STT3A: variants seen among roughly 807,000 people sequenced by gnomAD.
The protein encoded by STT3A is STT3 oligosaccharyltransferase complex catalytic subunit A.
Under a neutral mutation model 89.2 loss-of-function variants are expected in STT3A, and 34 were observed. The observed-to-expected ratio is 0.38, with a 90% CI of 0.29 to 0.51. STT3A has a LOEUF of 0.51. Among genes scored for constraint, STT3A ranks in the 20% least tolerant of loss-of-function variants. STT3A has a pLI of 0.89. For missense variants in STT3A, 555 were observed against 889.5 expected, an observed-to-expected ratio of 0.62 and a Z score of 4.78; for synonymous variants, 282 against 310.3, an observed-to-expected ratio of 0.91 and a Z score of 0.96.
chr11:125,600,459 T>A (rs1041702961), intron 3 of STT3A, among the ~76,000 whole-genome samples: 2 of 152,122 alleles, frequency 1.3e-5, no homozygotes, highest in Non-Finnish European at 2.9e-5. Context: ...CTCCCTGGGC[T>A]CAGGTGATCC....
rs1016261239 is a variant in STT3A at position 125,618,355 on chromosome 11, T to C, written c.1775-18T>C. 9.1e-6 allele frequency: 14 copies of C among 1,535,242 alleles called. No homozygotes were observed. The highest frequency in any genetic ancestry group is 1.4e-5 in the African/African-American group (1 of 71,398). On this transcript the variant is annotated intron_variant, in intron 15 of 17. Transcript: ENST00000392708. ...CAACTTTTGTGATGCAGCAGTTCTT[T>C]TTTTTTTTTTCTCCTAGATATCAAC... is the stretch of plus-strand genomic sequence containing the variant.
chr11:125,618,440 G>A lies in STT3A; in HGVS notation c.1842G>A (p.Glu614=), dbSNP rs747869884. The change falls in exon 16 of 18, where the codon GAG becomes GAA. Residue 614 remains glutamate, a synonymous_variant. Coordinates refer to ENST00000392708, the MANE Select transcript of STT3A (RefSeq NM_152713.5). ...CAGATACAGGCAAACATATCAAGGA[G>A]AATGACTATTATACTCCAACTGGGG... is the stretch of plus-strand genomic sequence containing the variant. The part of the protein sequence containing the change: ...GSTDTGKHIK[E]NDYYTPTGEF... 1.2e-5 allele frequency: 19 copies of A among 1,613,642 alleles called. No homozygotes were observed. The East Asian group carries it at 3.6e-4, about 30-fold the overall frequency.
chr11:125,596,990 T>G, intron 2 of STT3A, 69 bp from the exon 3 acceptor site: 1 of 1,524,752 alleles, frequency 6.6e-7, no homozygotes. Flanking sequence ...CTGTCTTCAT[T>G]ATAATACTAT....
rs1591376838 is a variant in STT3A, at chr11:125,609,604, G to A, written c.1117+15G>A. Reference sequence around the variant, plus strand: ...CATGTTTCCAGGTATGTGGCCTCGTGTTCTGAAATGGCCTTGTTCATAAGA... The same window carrying A: ...CATGTTTCCAGGTATGTGGCCTCGTATTCTGAAATGGCCTTGTTCATAAGA... On this transcript the variant is annotated intron_variant, in intron 10 of 17. Coordinates refer to ENST00000392708, the MANE Select transcript of STT3A (RefSeq NM_152713.5). The A allele has an allele frequency of 6.3e-6, 10 of 1,598,970 alleles. No individual in the cohort carries two copies. In the East Asian group the frequency reaches 2.2e-4, roughly 36 times the overall value.
chr11:125,618,463 G>C lies in STT3A; in HGVS notation c.1865G>C (p.Gly622Ala). 1.2e-6 allele frequency: 2 copies of C among 1,613,946 alleles called. No homozygotes were observed. The highest frequency in any genetic ancestry group is 1.7e-6 in the Non-Finnish European group (2 of 1,179,978). The change falls in exon 16 of 18, where the codon GGG becomes GCG. Residue 622 changes from glycine (G) to alanine (A), a missense_variant. By Grantham distance (60) the Gly-to-Ala change is moderately conservative. Transcript: ENST00000392708. ...IKENDYYTPT[G>A]EFRVDREGSP... ...GAGAATGACTATTATACTCCAACTG[G>C]GGAGTTCCGTGTGGACCGTGAAGGT...
chr11:125,596,674 G>T (rs984114171), intron 2 of STT3A, among the ~76,000 whole-genome samples: 2 of 152,166 alleles, frequency 1.3e-5, no homozygotes, highest in Non-Finnish European at 2.9e-5. Context: ...CTCTTCATGA[G>T]TCCTAGGTGT....
Position 125,600,774 on chromosome 11 carries a change from A to G in STT3A, c.150-1529A>G, listed in dbSNP as rs946053717. 4.6e-5 allele frequency among the ~76,000 whole-genome samples: 7 copies of G among 152,046 alleles called. No homozygotes were observed. In the East Asian group the frequency reaches 5.8e-4, roughly 13 times the overall value. ...ATGTCAAATATTTTTCATGTTGTCT[A>G]TGTATCTGTGTATCTTTCTATATTT... On this transcript the variant is annotated intron_variant, in intron 3 of 17. Coordinates refer to ENST00000392708, the MANE Select transcript of STT3A (RefSeq NM_152713.5).
rs569634802 is a variant in STT3A, at chr11:125,620,870, A to ATTTTTTTTTTTTTTTT, written c.*66_*81dup. 1 of 832,140 alleles carries ATTTTTTTTTTTTTTTT rather than the reference A, an allele frequency of 1.2e-6. No homozygotes were observed. The allele number at this position is 832,140 out of a possible 1,614,324, so 51.5% of individuals were successfully genotyped here. ...GCACATCACATTTAGGACGTTGAAG[A>ATTTTTTTTTTTTTTTT]TTTTTTTTTTTTTTTTTTTTTAATA... On this transcript the variant is annotated 3_prime_UTR_variant, in exon 18 of 18. Transcript: ENST00000392708.
Position 125,614,546 on chromosome 11 carries a change from T to A in STT3A, c.1774+120T>A, listed in dbSNP as rs1242522967. ...TAAGATATTTTTCTTTCATGGGAAG[T>A]TCCTAAGTATTTGCAACTTGAGGTT... On this transcript the variant is annotated intron_variant, in intron 15 of 17. Coordinates refer to ENST00000392708, the MANE Select transcript of STT3A (RefSeq NM_152713.5). The surrounding 1 kb of genome is among the most constrained non-coding windows in gnomAD (Gnocchi z 4.9). The A allele has an allele frequency of 1.0e-6, 1 of 1,004,428 alleles. No homozygotes were observed. The highest frequency in any genetic ancestry group is 1.6e-5 in the African/African-American group (1 of 60,952). 62.2% of individuals were successfully genotyped at this position (1,004,428 alleles called of 1,614,324 possible).
chr11:125,615,300 TAAA>T (rs1305718850), intron 15 of STT3A, among the ~76,000 whole-genome samples: 1 of 152,080 alleles, frequency 6.6e-6, no homozygotes, highest in Non-Finnish European at 1.5e-5. Flanking sequence ...AGGTTTATAA[TAAA>T]AAGTGATAGT....
In STT3A at chr11:125,617,777, C is replaced by G. The variant is rs564534623; in HGVS notation, c.1775-596C>G. On this transcript the variant is annotated intron_variant, in intron 15 of 17. Coordinates refer to ENST00000392708, the MANE Select transcript of STT3A (RefSeq NM_152713.5). ...TACTACTCTTTAGATCAGTCGTGCC[C>G]ACTGTCTAATAGAAATAATGGGAAC... 2.6e-5 allele frequency among the ~76,000 whole-genome samples: 4 copies of G among 152,280 alleles called. No individual in the cohort carries two copies. In the East Asian group the frequency reaches 7.7e-4, roughly 29 times the overall value.
At chr11:125,600,007 G>A (rs1329927465) in intron 3 of STT3A, among the ~76,000 whole-genome samples, 1 of 151,636 alleles carries the variant, frequency 6.6e-6, no homozygotes, top group Non-Finnish European at 1.5e-5. Context: ...GGGATAACAG[G>A]CATTAACTAC....
At chr11:125,604,605 G>T (rs12282800) in intron 6 of STT3A, among the ~76,000 whole-genome samples, 16,117 of 152,124 alleles carry the variant, frequency 0.11, 1,243 homozygotes, top group African/African-American at 0.22. Flanking sequence ...GAATGTTATT[G>T]GGAAAACATA....
rs540137895 is a variant in STT3A at position 125,598,847 on chromosome 11, A to G, written c.149+1728A>G. On this transcript the variant is annotated intron_variant, in intron 3 of 17. Transcript: ENST00000392708. ...GGTCTCAAACTCCTGGGCTCAAGCA[A>G]TCCTCCCTCCTCAGCCTCCCAAAGT... Among the ~76,000 whole-genome samples the G allele has an allele frequency of 2.4e-3, 366 of 152,158 alleles. 2 individuals carry two copies. Among genetic ancestry groups the G allele is most frequent in the Admixed American group, 6.1e-3 (93 of 15,276 alleles).
At chr11:125,607,814 G>A (rs1939882750) in intron 8 of STT3A, among the ~76,000 whole-genome samples, 1 of 152,238 alleles carries the variant, frequency 6.6e-6, no homozygotes, top group Non-Finnish European at 1.5e-5. Context: ...CTTGAATGAT[G>A]AGAATTTTAG....
chr11:125,606,024 G>A (rs1004294767), intron 7 of STT3A, among the ~76,000 whole-genome samples: 32 of 152,024 alleles, frequency 2.1e-4, no homozygotes, highest in African/African-American at 7.7e-4. Context: ...CAACCACAAG[G>A]GAGCAGGGGA....
At position 125,620,861 on chromosome 11, in the gene STT3A, A is replaced by T. The variant is rs1591383411; in HGVS notation, c.*51A>T. ...TCGCACTGAGCACATCACATTTAGG[A>T]CGTTGAAGATTTTTTTTTTTTTTTT... On this transcript the variant is annotated 3_prime_UTR_variant, in exon 18 of 18. Coordinates refer to ENST00000392708, the MANE Select transcript of STT3A (RefSeq NM_152713.5). 1 of 1,322,472 alleles carries T rather than the reference A, an allele frequency of 7.6e-7. No homozygotes were observed. The highest frequency in any genetic ancestry group is 1.0e-6 in the Non-Finnish European group (1 of 960,784). The allele number at this position is 1,322,472 out of a possible 1,614,324, so 81.9% of individuals were successfully genotyped here. A position where few individuals can be genotyped will look rare whatever the true frequency, so the allele number is the denominator to read the frequency against.
chr11:125,618,274 C>T, intron 15 of STT3A, 99 bp from the exon 16 acceptor site: 1 of 1,094,840 alleles, frequency 9.1e-7, no homozygotes, highest in Non-Finnish European at 1.3e-6. Flanking sequence ...ATACCAATCC[C>T]CATTAAAAAA....
intron 3 of STT3A, among the ~76,000 whole-genome samples, chr11:125,598,025 A>G (rs1939547245): frequency 6.6e-6 from 1 of 152,176 alleles, no homozygotes; most frequent in African/African-American, 2.4e-5. Context: ...CAGCCTGGCC[A>G]ACATAGTAAA....
Sources: allele counts gnomAD v4.1 joint callset (sites outside exome capture counted in the v4.1 genomes callset), GRCh38; gene constraint gnomAD v4.1.1; non-coding constraint Gnocchi (gnomAD v3.1); transcripts MANE v1.5; gene names NCBI Gene and HGNC (gene_info 2026-07-23, HGNC 2026-07-21).